NECTIN3: variants seen among roughly 807,000 people sequenced by gnomAD.
The protein encoded by NECTIN3 is nectin-3.
A neutral mutation model predicts 49.4 loss-of-function variants in NECTIN3; 8 were observed. That is an observed-to-expected ratio of 0.16 (90% CI 0.10 to 0.29). The LOEUF (loss-of-function observed/expected upper bound fraction) is 0.29, where lower values mean the gene tolerates loss of function less well. Among genes scored for constraint, NECTIN3 ranks in the 10% least tolerant of loss-of-function variants. NECTIN3 has a pLI of 1.00. For missense variants in NECTIN3, 581 were observed against 654.6 expected (o/e 0.89, Z 1.23); for synonymous variants, 277 against 241.1 (o/e 1.15, Z -1.38).
chr3:111,178,750 C>T (rs1474744420), intron 7 of NECTIN3, among the ~76,000 whole-genome samples: 1 of 152,166 alleles, frequency 6.6e-6, no homozygotes, highest in African/African-American at 2.4e-5. Context: ...CCCCTTTCTG[C>T]AAGCAGTTTA....
At position 111,135,958 on chromosome 3, in the gene NECTIN3, C is replaced by A; in HGVS notation, c.*1743C>A. On this transcript the variant is annotated 3_prime_UTR_variant, in exon 6 of 6. Transcript: ENST00000485303. ...TTCACTTATATCTTCTTACAAATGT[C>A]TGGGTTTTAATATGGTTAATCACTT... The A allele has an allele frequency of 3.2e-6, 3 of 936,654 alleles. No homozygotes were observed. The South Asian group carries it at 1.5e-4, about 46-fold the overall frequency. 58.0% of individuals were successfully genotyped at this position (936,654 alleles called of 1,614,324 possible).
At chr3:111,183,046 C>G (rs992135687) in intron 7 of NECTIN3, among the ~76,000 whole-genome samples, 1 of 151,910 alleles carries the variant, frequency 6.6e-6, no homozygotes, top group Non-Finnish European at 1.5e-5. Flanking sequence ...TTACATAATA[C>G]TACTTCATAT....
At chr3:111,097,329 G>A (rs575678794) in intron 1 of NECTIN3, among the ~76,000 whole-genome samples, 2 of 152,308 alleles carry the variant, frequency 1.3e-5, no homozygotes, top group East Asian at 3.9e-4. Context: ...TAACTAACTT[G>A]CTTTTGACTT....
chr3:111,090,423 C>G (rs143895470), intron 1 of NECTIN3, among the ~76,000 whole-genome samples: 79 of 151,978 alleles, frequency 5.2e-4, no homozygotes, highest in African/African-American at 1.9e-3. Context: ...GTTAACTACC[C>G]TAGAGATTAC....
intron 7 of NECTIN3, among the ~76,000 whole-genome samples, chr3:111,160,915 G>T (rs1256207236): frequency 6.6e-6 from 1 of 152,208 alleles, no homozygotes; most frequent in African/African-American, 2.4e-5. Flanking sequence ...GCTGAGGCAG[G>T]AGAATGGCGT....
intron 7 of NECTIN3, among the ~76,000 whole-genome samples, chr3:111,159,588 G>A (rs1159213195): frequency 1.3e-5 from 2 of 152,122 alleles, no homozygotes; most frequent in Non-Finnish European, 2.9e-5. Context: ...GCAAGTGTGA[G>A]TCATTGACCT....
At chr3:111,143,107 A>G (rs112334620) in intron 5 of NECTIN3, among the ~76,000 whole-genome samples, 3 of 151,922 alleles carry the variant, frequency 2.0e-5, no homozygotes, top group East Asian at 1.9e-4. Flanking sequence ...GTTATAATCT[A>G]TATGGTGGGG....
intron 4 of NECTIN3, among the ~76,000 whole-genome samples, chr3:111,125,712 T>C (rs910950928): frequency 6.6e-6 from 1 of 152,194 alleles, no homozygotes; most frequent in Non-Finnish European, 1.5e-5. Flanking sequence ...TAGCATTAAA[T>C]GATGCTCTAT....
intron 1 of NECTIN3, among the ~76,000 whole-genome samples, chr3:111,101,944 T>G (rs758330778): frequency 4.6e-5 from 7 of 152,174 alleles, no homozygotes; most frequent in Non-Finnish European, 8.8e-5. Context: ...TGGAATGGTC[T>G]TCTCAGCTTA....
chr3:111,124,983 G>A (rs555723416), intron 4 of NECTIN3, among the ~76,000 whole-genome samples: 1 of 150,206 alleles, frequency 6.7e-6, no homozygotes, highest in East Asian at 2.0e-4. Flanking sequence ...TAGTAGTTGA[G>A]CACCTAGGTT....
chr3:111,105,982 CT>C (rs34682420), intron 1 of NECTIN3, among the ~76,000 whole-genome samples: 13,413 of 129,302 alleles, frequency 0.1, 1,335 homozygotes, highest in East Asian at 0.44. Flanking sequence ...CTTACCAGTG[CT>C]TTTTTTTTTT....
Position 111,072,090 on chromosome 3 carries a change from C to T in NECTIN3, c.73C>T (p.Leu25Phe). 6.5e-7 allele frequency: 1 copy of T among 1,549,566 alleles called. No homozygotes were observed. The highest frequency in any genetic ancestry group is 8.7e-7 in the Non-Finnish European group (1 of 1,146,178). ...GKAQLSSASL[L>F]GAGLLLQPPT... is the part of the protein sequence containing the mutation. Reference sequence around the variant, plus strand: ...AGCACAACTTTCCTCCGCTTCTCTCCTCGGAGCCGGGCTCCTGCTGCAGCC... The same window carrying T: ...AGCACAACTTTCCTCCGCTTCTCTCTTCGGAGCCGGGCTCCTGCTGCAGCC... Residue 25 changes from leucine to phenylalanine, a missense_variant, in exon 1 of 6, where the codon CTC becomes TTC. By Grantham distance (22) the Leu-to-Phe change is conservative. Transcript: ENST00000485303.
At chr3:111,187,287 C>T (rs1348349122) in intron 7 of NECTIN3, among the ~76,000 whole-genome samples, 1 of 152,114 alleles carries the variant, frequency 6.6e-6, no homozygotes, top group African/African-American at 2.4e-5. Flanking sequence ...CCTGTAGTCC[C>T]AGCTACTTGG....
chr3:111,146,209 C>T (rs915488806), intron 6 of NECTIN3, among the ~76,000 whole-genome samples: 6 of 151,868 alleles, frequency 4.0e-5, no homozygotes, highest in African/African-American at 1.2e-4. Flanking sequence ...CCGAGGCGGG[C>T]GGATCACGAG....
chr3:111,183,799 T>C (rs1160808790), intron 7 of NECTIN3, among the ~76,000 whole-genome samples: 1 of 152,158 alleles, frequency 6.6e-6, no homozygotes, highest in Non-Finnish European at 1.5e-5. Flanking sequence ...TTTCTCTTTA[T>C]TGTTAGTTTT....
In NECTIN3 at chr3:111,134,382, G is replaced by T. The variant is rs2034504059; in HGVS notation, c.*167G>T. On this transcript the variant is annotated 3_prime_UTR_variant, in exon 6 of 6. Coordinates refer to ENST00000485303, the MANE Select transcript of NECTIN3 (RefSeq NM_015480.3). ...AATGAAAATGTAAAATCTGAGTTCA[G>T]TGTATCTAAGCTGCTTTACAATTTT... 2 of 1,380,270 alleles carry T rather than the reference G, an allele frequency of 1.4e-6. No individual in the cohort carries two copies. Among genetic ancestry groups the T allele is most frequent in the African/African-American group, 1.5e-5 (1 of 68,214 alleles). The allele number at this position is 1,380,270 out of a possible 1,614,324, so 85.5% of individuals were successfully genotyped here.
intron 7 of NECTIN3, among the ~76,000 whole-genome samples, chr3:111,186,835 G>A (rs890275427): frequency 2.6e-5 from 4 of 152,102 alleles, no homozygotes; most frequent in Non-Finnish European, 2.9e-5. Context: ...GTTGAAATAC[G>A]TATTACAGAT....
At chr3:111,171,036 T>TA (rs1189349689) in intron 7 of NECTIN3, among the ~76,000 whole-genome samples, 3 of 152,226 alleles carry the variant, frequency 2.0e-5, no homozygotes, top group Non-Finnish European at 2.9e-5. Context: ...CTTATATTTA[T>TA]TTAGCATTTT....
At chr3:111,158,131 A>G (rs1340269928) in intron 7 of NECTIN3, among the ~76,000 whole-genome samples, 1 of 152,098 alleles carries the variant, frequency 6.6e-6, no homozygotes, top group African/African-American at 2.4e-5. Flanking sequence ...CTTTACAATT[A>G]TGACTGTTTG....
Sources: gnomAD v4.1 joint callset for allele counts (sites outside exome capture counted in the v4.1 genomes callset) on GRCh38, gnomAD v4.1.1 for gene constraint, MANE v1.5 for transcripts, NCBI Gene and HGNC (gene_info 2026-07-23, HGNC 2026-07-21) for gene names.